EVI5: variants seen among roughly 807,000 people sequenced by gnomAD.
EVI5 encodes the protein ecotropic viral integration site 5 protein homolog.
Under a neutral mutation model 112.0 loss-of-function variants are expected in EVI5, and 73 were observed. The ratio of observed to expected loss-of-function variants is 0.65; its 90% CI spans 0.54 to 0.79. The LOEUF (loss-of-function observed/expected upper bound fraction) is 0.79, where lower values mean the gene tolerates loss of function less well. EVI5 is among the 30% of genes least tolerant of loss of function. The pLI is 0.00. For missense variants in EVI5, 900 were observed against 968.8 expected, an observed-to-expected ratio of 0.93 and a Z score of 0.94; for synonymous variants, 305 against 319.9, an observed-to-expected ratio of 0.95 and a Z score of 0.50.
At chr1:92,632,978 T>A (rs899740732) in intron 14 of EVI5, among the ~76,000 whole-genome samples, 2 of 152,062 alleles carry the variant, frequency 1.3e-5, no homozygotes, top group African/African-American at 4.8e-5. Context: ...ATGCAGTTGA[T>A]CGGTTTTGAG....
At chr1:92,582,405 C>T (rs1672081845) in intron 18 of EVI5, among the ~76,000 whole-genome samples, 1 of 151,990 alleles carries the variant, frequency 6.6e-6, no homozygotes, top group Non-Finnish European at 1.5e-5. Flanking sequence ...ATGTGAGGGG[C>T]CTACTTTACA....
intron 2 of EVI5, among the ~76,000 whole-genome samples, chr1:92,721,056 G>C (rs1674665428): frequency 1.3e-5 from 2 of 152,166 alleles, no homozygotes; most frequent in South Asian, 4.1e-4. Flanking sequence ...TGGAGAAATA[G>C]GAATGCTTTT....
Position 92,662,647 on chromosome 1 carries a change from T to C in EVI5, c.1392+72A>G, listed in dbSNP as rs1211701692. The C allele has an allele frequency of 6.1e-6, 6 of 978,234 alleles. No individual in the cohort carries two copies. The East Asian group carries it at 3.2e-4, about 52-fold the overall frequency. The allele number at this position is 978,234 out of a possible 1,614,324, so 60.6% of individuals were successfully genotyped here. A position where few individuals can be genotyped will look rare whatever the true frequency, so the allele number is the denominator to read the frequency against. On this transcript the variant is annotated intron_variant, in intron 13 of 19. Coordinates refer to ENST00000684568, the MANE Select transcript of EVI5 (RefSeq NM_001350197.2). The stretch of plus-strand genomic sequence containing the variant: ...ATTTAAAACAACAGCACAAAATCTG[T>C]GCTATGAAAAAAAAAATGATTGAAA...
At chr1:92,598,087 G>C (rs1414323849) in intron 18 of EVI5, among the ~76,000 whole-genome samples, 1 of 152,090 alleles carries the variant, frequency 6.6e-6, no homozygotes, top group Non-Finnish European at 1.5e-5. Context: ...TGTCACCCAG[G>C]CTGGGGTGTA....
chr1:92,647,966 A>G (rs1184403056), intron 13 of EVI5, among the ~76,000 whole-genome samples: 4 of 150,582 alleles, frequency 2.7e-5, no homozygotes, highest in Non-Finnish European at 5.9e-5. Flanking sequence ...GCTGGTCTCA[A>G]ACTCCTGGCC....
chr1:92,590,510 T>C lies in EVI5; in HGVS notation c.2070+14797A>G, dbSNP rs183596730. 2.7e-3 allele frequency among the ~76,000 whole-genome samples: 417 copies of C among 152,202 alleles called. 6 individuals are homozygous for C. Among genetic ancestry groups the C allele is most frequent in the African/African-American group, 9.7e-3 (404 of 41,522 alleles). ...CGATTCGGTCAAGTGGAAGAAAGGGTATCAGCGATGGAATATCAAATGAAT... is the reference window on the plus strand; with the variant it reads ...CGATTCGGTCAAGTGGAAGAAAGGGCATCAGCGATGGAATATCAAATGAAT... On this transcript the variant is annotated intron_variant, in intron 18 of 19. Transcript: ENST00000684568.
At chr1:92,677,315 A>G (rs904077406) in intron 9 of EVI5, 97 bp from the exon 10 acceptor site, 1 of 619,456 alleles carries the variant, frequency 1.6e-6, no homozygotes, top group African/African-American at 1.9e-5. Flanking sequence ...ATAAAATACA[A>G]TTTCTTTAGT....
intron 2 of EVI5, among the ~76,000 whole-genome samples, chr1:92,719,558 G>C (rs982656822): frequency 4.0e-5 from 6 of 151,880 alleles, no homozygotes; most frequent in Non-Finnish European, 8.8e-5. Flanking sequence ...AAAATAATAA[G>C]AGCTATTTAT....
chr1:92,760,902 C>CA (rs1330268012), intron 1 of EVI5, among the ~76,000 whole-genome samples: 1 of 151,288 alleles, frequency 6.6e-6, no homozygotes, highest in East Asian at 2.0e-4. Flanking sequence ...TAAAAAAATA[C>CA]AAAAAATTAA....
At chr1:92,527,046 G>C (rs1314838580) in intron 19 of EVI5, among the ~76,000 whole-genome samples, 1 of 152,178 alleles carries the variant, frequency 6.6e-6, no homozygotes, top group Non-Finnish European at 1.5e-5. Flanking sequence ...AAGATGTTCA[G>C]TGTTTTTTTC....
At chr1:92,527,241 G>A (rs1289584706) in intron 19 of EVI5, among the ~76,000 whole-genome samples, 4 of 151,538 alleles carry the variant, frequency 2.6e-5, no homozygotes, top group African/African-American at 4.8e-5. Context: ...GTGGTGAAAT[G>A]CTGTCTTTAC....
At position 92,785,080 on chromosome 1, in the gene EVI5, G is replaced by A. The variant is rs1438171530; in HGVS notation, c.-326C>T. On this transcript the variant is annotated 5_prime_UTR_variant, in exon 1 of 20. Coordinates refer to ENST00000684568, the MANE Select transcript of EVI5 (RefSeq NM_001350197.2). ...CCAGCTGGCCAGCTGGTTCCTCCGG[G>A]GTCCGGCCCGGCCGCGTCAGGAGAG... 1.2e-5 allele frequency: 12 copies of A among 985,340 alleles called. No homozygotes were observed. The highest frequency in any genetic ancestry group is 1.4e-5 in the Non-Finnish European group (12 of 830,024). The allele number at this position is 985,340 out of a possible 1,614,324, so 61.0% of individuals were successfully genotyped here. A position where few individuals can be genotyped will look rare whatever the true frequency, so the allele number is the denominator to read the frequency against.
intron 1 of EVI5, among the ~76,000 whole-genome samples, chr1:92,783,117 A>T (rs1685077938): frequency 6.6e-6 from 1 of 152,036 alleles, no homozygotes; most frequent in Admixed American, 6.6e-5. Context: ...CACCGCACCC[A>T]GACCACCTGC....
At chr1:92,552,613 T>A (rs1328555488) in intron 19 of EVI5, among the ~76,000 whole-genome samples, 2 of 152,226 alleles carry the variant, frequency 1.3e-5, no homozygotes, top group African/African-American at 4.8e-5. Context: ...GTGTGATATA[T>A]CCCTTGAAGA....
chr1:92,589,951 G>A (rs1023624277), intron 18 of EVI5, among the ~76,000 whole-genome samples: 4 of 152,178 alleles, frequency 2.6e-5, no homozygotes, highest in African/African-American at 9.6e-5. Flanking sequence ...AACATTTGCT[G>A]TTCACCAATA....
chr1:92,655,043 G>A (rs1298129389), intron 13 of EVI5, among the ~76,000 whole-genome samples: 1 of 152,052 alleles, frequency 6.6e-6, no homozygotes, highest in East Asian at 1.9e-4. Context: ...CAAAAAGTTT[G>A]GAAAACCTAT....
intron 1 of EVI5, chr1:92,784,345 T>C (rs995411682): frequency 7.6e-5 from 75 of 985,290 alleles, no homozygotes; most frequent in Non-Finnish European, 8.8e-5. Context: ...ATTCTGGACC[T>C]GGCACATCTG....
intron 1 of EVI5, among the ~76,000 whole-genome samples, chr1:92,762,851 A>G (rs552286989): frequency 2.0e-5 from 3 of 152,314 alleles, no homozygotes; most frequent in African/African-American, 7.2e-5. Context: ...AGGAAGGAGA[A>G]GTTATTTACT....
Position 92,677,290 on chromosome 1 carries a change from A to G in EVI5, c.1098-72T>C, listed in dbSNP as rs900924811. ...AGTAGTTATTAAATTACAAAATTTA[A>G]AAATACATATGAACATAAAATACAA... On this transcript the variant is annotated intron_variant, in intron 9 of 19. Transcript: ENST00000684568. 7.9e-6 allele frequency: 6 copies of G among 764,254 alleles called. No individual in the cohort carries two copies. The South Asian group carries it at 9.0e-5, about 11-fold the overall frequency. 47.3% of individuals were successfully genotyped at this position (764,254 alleles called of 1,614,324 possible).
Sources: allele counts gnomAD v4.1 joint callset (sites outside exome capture counted in the v4.1 genomes callset), GRCh38; gene constraint gnomAD v4.1.1; transcripts MANE v1.5; gene names NCBI Gene and HGNC (gene_info 2026-07-23, HGNC 2026-07-21).